The following C10orf90 variants were observed in gnomAD, a reference collection of about 807,000 sequenced individuals.
The protein encoded by C10orf90 is (E2-independent) E3 ubiquitin-conjugating enzyme FATS.
A neutral mutation model predicts 62.5 loss-of-function variants in C10orf90; 56 were observed. The observed-to-expected ratio is 0.90, with a 90% CI of 0.72 to 1.12. The LOEUF is 1.12. Ranked by LOEUF, C10orf90 falls within the 50% of genes most tolerant of loss-of-function variation. The pLI, the probability that C10orf90 is intolerant of heterozygous loss-of-function variation, is 0.00. For missense variants in C10orf90, 970 were observed against 880.4 expected (o/e 1.10, Z -1.29); for synonymous variants, 386 against 340.4 (o/e 1.13, Z -1.47).
Position 126,670,392 on chromosome 10 carries a change from A to T in C10orf90, c.89T>A (p.Ile30Lys), listed in dbSNP as rs780148751. ...TTTCAACTCTGTACTAAATGTTTTT[A>T]TCTGGAAAGTCCGATGCACGGCCGT... ...TETAVHRTFQ[I>K]KTFSTELKNH... Residue 30 changes from isoleucine (I) to lysine (K), a missense_variant, in exon 1 of 10, where the codon ATA (isoleucine) becomes AAA (lysine). Coordinates refer to ENST00000488181, the MANE Select transcript of C10orf90 (RefSeq NM_001350921.2). 6.4e-5 allele frequency: 29 copies of T among 456,652 alleles called. No homozygotes were observed. The highest frequency in any genetic ancestry group is 4.5e-4 in the South Asian group (29 of 64,572). The allele number at this position is 456,652 out of a possible 1,614,324, so 28.3% of individuals were successfully genotyped here. A position where few individuals can be genotyped will look rare whatever the true frequency, so the allele number is the denominator to read the frequency against.
At chr10:126,531,701 G>T (rs1391428802) in intron 2 of C10orf90, among the ~76,000 whole-genome samples, 1 of 152,080 alleles carries the variant, frequency 6.6e-6, no homozygotes, top group Non-Finnish European at 1.5e-5. Flanking sequence ...AATAGAGCAG[G>T]ATATCTTTGT....
intron 2 of C10orf90, among the ~76,000 whole-genome samples, chr10:126,583,933 T>G (rs1844805109): frequency 6.6e-6 from 1 of 152,086 alleles, no homozygotes; most frequent in East Asian, 1.9e-4. Flanking sequence ...CTTGGTGATG[T>G]AGAGAGACCT....
At chr10:126,498,715 G>C (rs1862214704) in intron 4 of C10orf90, among the ~76,000 whole-genome samples, 1 of 152,228 alleles carries the variant, frequency 6.6e-6, no homozygotes, top group African/African-American at 2.4e-5. Flanking sequence ...TGACTGAAGA[G>C]AGCTGCCTCA....
At chr10:126,605,524 T>C (rs549547282) in intron 2 of C10orf90, among the ~76,000 whole-genome samples, 61 of 152,298 alleles carry the variant, frequency 4.0e-4, no homozygotes, top group Non-Finnish European at 7.5e-4. Flanking sequence ...CCTGTGGAAG[T>C]GGTCCTGGCA....
chr10:126,622,535 C>T (rs543101576), intron 2 of C10orf90, among the ~76,000 whole-genome samples: 28 of 152,318 alleles, frequency 1.8e-4, no homozygotes, highest in African/African-American at 6.5e-4. Flanking sequence ...CGGGTAGAGG[C>T]CAGGGTGCAG....
rs73378959 is a variant in C10orf90 at position 126,570,480 on chromosome 10, G to T, written c.314-56541C>A. The stretch of plus-strand genomic sequence containing the variant: ...TAATGTAATGCTCAATGATTTTTAA[G>T]CAATAAAAGGAGGGACTTTAAAACT... On this transcript the variant is annotated intron_variant, in intron 2 of 9. Coordinates refer to ENST00000488181, the MANE Select transcript of C10orf90 (RefSeq NM_001350921.2). Among the ~76,000 whole-genome samples, 889 of 152,280 alleles carry T rather than the reference G, an allele frequency of 5.8e-3. 7 individuals carry two copies. Among genetic ancestry groups the T allele is most frequent in the African/African-American group, 0.02 (841 of 41,568 alleles).
Position 126,496,833 on chromosome 10 carries a change from G to A in C10orf90, c.1534+7124C>T, listed in dbSNP as rs146438123. The stretch of plus-strand genomic sequence containing the variant: ...TAACCTGTCCTCCACCCAGCCCACA[G>A]GTCGAGGGCACCCACTCTGTGAGCC... On this transcript the variant is annotated intron_variant, in intron 4 of 9. Coordinates refer to ENST00000488181, the MANE Select transcript of C10orf90 (RefSeq NM_001350921.2). The A allele has an allele frequency of 1.2e-3, 529 of 446,190 alleles. 2 individuals carry two copies. Among genetic ancestry groups the A allele is most frequent in the African/African-American group, 0.011 (503 of 46,832 alleles). 27.6% of individuals were successfully genotyped at this position (446,190 alleles called of 1,614,324 possible). A position where few individuals can be genotyped will look rare whatever the true frequency, so the allele number is the denominator to read the frequency against.
intron 1 of C10orf90, among the ~76,000 whole-genome samples, chr10:126,666,043 GA>G (rs952031020): frequency 5.3e-5 from 8 of 152,228 alleles, no homozygotes; most frequent in African/African-American, 1.4e-4. Flanking sequence ...AGAGTCCTCA[GA>G]AGGGTCATGT....
chr10:126,552,222 A>G (rs1864650530), intron 2 of C10orf90, among the ~76,000 whole-genome samples: 1 of 152,092 alleles, frequency 6.6e-6, no homozygotes, highest in South Asian at 2.1e-4. Flanking sequence ...GTTCATTGCC[A>G]TTTTTCCCAT....
chr10:126,429,926 T>G, intron 7 of C10orf90, 76 bp from the exon 8 acceptor site: 1 of 1,286,858 alleles, frequency 7.8e-7, no homozygotes, highest in Non-Finnish European at 1.1e-6. Context: ...TTGTGATTAG[T>G]TCATAATCCG....
Position 126,504,667 on chromosome 10 carries a change from G to A in C10orf90, c.824C>T (p.Pro275Leu), listed in dbSNP as rs751427323. The A allele has an allele frequency of 3.1e-6, 5 of 1,613,998 alleles. No individual in the cohort carries two copies. In the South Asian group the frequency reaches 3.3e-5, roughly 11 times the overall value. Residue 275 changes from proline (P) to leucine (L), a missense_variant, in exon 4 of 10, where the codon CCG becomes CTG. Pro to Leu is a moderately conservative substitution (Grantham distance 98). Transcript: ENST00000488181. This position sits in a 1 kb window ranked among gnomAD's most constrained non-coding sequence, Gnocchi z 4.1. ...TGGATGGGCGCCATTGGCCAGAGCCGGGGGCGCCTGGAACAGTGTGTCCTC... is the reference window on the plus strand; with the variant it reads ...TGGATGGGCGCCATTGGCCAGAGCCAGGGGCGCCTGGAACAGTGTGTCCTC... The part of the protein sequence containing the change: ...RAEDTLFQAP[P>L]ALANGAHPGR...
intron 2 of C10orf90, among the ~76,000 whole-genome samples, chr10:126,599,353 T>A (rs1256381077): frequency 6.7e-6 from 1 of 149,702 alleles, no homozygotes; most frequent in Admixed American, 6.6e-5. Context: ...GCCCGGCTAA[T>A]TTTTTGTATT....
At chr10:126,484,334 G>T (rs1320497549) in intron 4 of C10orf90, among the ~76,000 whole-genome samples, 1 of 152,012 alleles carries the variant, frequency 6.6e-6, no homozygotes, top group African/African-American at 2.4e-5. Flanking sequence ...GGATTTAGGG[G>T]TCCCTATACA....
At chr10:126,459,674 C>G (rs575619403) in intron 6 of C10orf90, among the ~76,000 whole-genome samples, 1 of 152,294 alleles carries the variant, frequency 6.6e-6, no homozygotes, top group Admixed American at 6.5e-5. Flanking sequence ...ATCCACTCAG[C>G]GTGAAAAACG....
chr10:126,611,862 TACAA>T (rs758959875), intron 2 of C10orf90, among the ~76,000 whole-genome samples: 10 of 152,024 alleles, frequency 6.6e-5, no homozygotes, highest in African/African-American at 9.7e-5. Flanking sequence ...GCATAGAGAG[TACAA>T]ACAAATTCAC....
chr10:126,493,797 C>T (rs761329253), intron 4 of C10orf90, among the ~76,000 whole-genome samples: 5 of 152,220 alleles, frequency 3.3e-5, no homozygotes, highest in Non-Finnish European at 5.9e-5. Flanking sequence ...TTACCAGCTG[C>T]GCCAACAGCC....
chr10:126,601,489 C>T (rs1279269185), intron 2 of C10orf90, among the ~76,000 whole-genome samples: 3 of 152,102 alleles, frequency 2.0e-5, no homozygotes, highest in Non-Finnish European at 4.4e-5. Context: ...AAAGGTGACA[C>T]AGGGACTGTG....
At chr10:126,612,324 T>TA (rs996814366) in intron 2 of C10orf90, among the ~76,000 whole-genome samples, 136 of 146,306 alleles carry the variant, frequency 9.3e-4, no homozygotes, top group African/African-American at 1.8e-3. Flanking sequence ...GTGTCTTAAA[T>TA]AAAAAAAAAA....
rs56239671 is a variant in C10orf90 at position 126,425,713 on chromosome 10, T to C, written c.*151A>G. The C allele has an allele frequency of 0.014, 11,000 of 769,642 alleles. 119 individuals are homozygous for C. Among genetic ancestry groups the C allele is most frequent in the South Asian group, 0.023 (1,196 of 52,040 alleles). 47.7% of individuals were successfully genotyped at this position (769,642 alleles called of 1,614,324 possible). On this transcript the variant is annotated 3_prime_UTR_variant, in exon 10 of 10. Coordinates refer to ENST00000488181, the MANE Select transcript of C10orf90 (RefSeq NM_001350921.2). ...GTTTCTGTTTGGCTTGGGTCAGTAATTCAGGAAGTGATGTTTTCCTTTATG... is the reference window on the plus strand; with the variant it reads ...GTTTCTGTTTGGCTTGGGTCAGTAACTCAGGAAGTGATGTTTTCCTTTATG...
Sources: gnomAD v4.1 joint callset for allele counts (sites outside exome capture counted in the v4.1 genomes callset) on GRCh38, gnomAD v4.1.1 for gene constraint, Gnocchi (gnomAD v3.1) non-coding constraint, MANE v1.5 for transcripts, NCBI Gene and HGNC (gene_info 2026-07-23, HGNC 2026-07-21) for gene names.